SAMD13: variants seen among roughly 807,000 people sequenced by gnomAD.
SAMD13 encodes sterile alpha motif domain containing 13.
Under a neutral mutation model 12.4 loss-of-function variants are expected in SAMD13, and 9 were observed. That is an observed-to-expected ratio of 0.72 (90% CI 0.44 to 1.26). SAMD13 has a LOEUF of 1.26. Ranked by LOEUF, SAMD13 falls within the 50% of genes most tolerant of loss-of-function variation. The pLI is 0.00. For missense variants in SAMD13, 84 were observed against 119.6 expected, an observed-to-expected ratio of 0.70 and a Z score of 1.39; for synonymous variants, 46 against 45.4, an observed-to-expected ratio of 1.01 and a Z score of -0.05.
upstream of SAMD13, among the ~76,000 whole-genome samples, chr1:84,301,263 A>G (rs529175115): frequency 4.6e-5 from 7 of 152,308 alleles, no homozygotes; most frequent in East Asian, 7.7e-4. Context: ...CTCTATTAGG[A>G]AAAAAAGAGT....
chr1:84,335,709 T>C (rs1400040967), intron 3 of SAMD13, among the ~76,000 whole-genome samples: 1 of 152,202 alleles, frequency 6.6e-6, no homozygotes, highest in African/African-American at 2.4e-5. Context: ...TATTTAGCAC[T>C]CCCTTAAGGA....
Position 84,334,539 on chromosome 1 carries a change from T to C in SAMD13, c.165+8791T>C, listed in dbSNP as rs78685820. 6.3e-3 allele frequency among the ~76,000 whole-genome samples: 961 copies of C among 152,240 alleles called. 12 individuals are homozygous for C. The highest frequency in any genetic ancestry group is 0.022 in the African/African-American group (921 of 41,546). On this transcript the variant is annotated intron_variant, in intron 3 of 3. Transcript: ENST00000394834. ...GATTTGTTCATCTTTTATATGGTTTTTCATGTCTCAGTTTCATTCGGTTCA... is the reference window on the plus strand; with the variant it reads ...GATTTGTTCATCTTTTATATGGTTTCTCATGTCTCAGTTTCATTCGGTTCA...
At chr1:84,303,562 C>A in intron 2 of SAMD13, 1 of 262,766 alleles carries the variant, frequency 3.8e-6, no homozygotes, top group South Asian at 5.6e-5. Context: ...GCCCTGCATT[C>A]TGTATATTGA....
intron 2 of SAMD13, among the ~76,000 whole-genome samples, chr1:84,316,049 A>AT (rs1453334643): frequency 6.6e-6 from 1 of 151,948 alleles, no homozygotes; most frequent in Non-Finnish European, 1.5e-5. Context: ...TCCTTCGACC[A>AT]TTTTTTCAAT....
At chr1:84,317,757 T>G (rs1193974594) in intron 2 of SAMD13, among the ~76,000 whole-genome samples, 1 of 152,078 alleles carries the variant, frequency 6.6e-6, no homozygotes, top group African/African-American at 2.4e-5. Flanking sequence ...TTGGAAAAGT[T>G]TGAGGATTGG....
At chr1:84,345,764 T>G (rs1274856773) in intron 3 of SAMD13, among the ~76,000 whole-genome samples, 1 of 152,194 alleles carries the variant, frequency 6.6e-6, no homozygotes, top group Non-Finnish European at 1.5e-5. Flanking sequence ...ATATCACAAA[T>G]AGCTTCAATT....
chr1:84,328,667 G>T (rs906837644), intron 3 of SAMD13, among the ~76,000 whole-genome samples: 5 of 152,046 alleles, frequency 3.3e-5, no homozygotes, highest in Non-Finnish European at 7.4e-5. Flanking sequence ...CACTACAGAG[G>T]GCATCAGCAT....
upstream of SAMD13, among the ~76,000 whole-genome samples, chr1:84,300,222 G>A (rs1322682342): frequency 2.6e-5 from 4 of 152,206 alleles, no homozygotes; most frequent in East Asian, 7.7e-4. Context: ...ACTGGTGAAA[G>A]ATCCACATGC....
At chr1:84,303,865 ATTATT>A (rs1678503590) in intron 2 of SAMD13, 1 of 152,228 alleles carries the variant, frequency 6.6e-6, no homozygotes, top group African/African-American at 2.4e-5. Flanking sequence ...TATATATTTG[ATTATT>A]TTAAATGGGA....
intron 2 of SAMD13, among the ~76,000 whole-genome samples, chr1:84,313,513 C>G (rs1411501041): frequency 1.3e-5 from 2 of 151,986 alleles, no homozygotes; most frequent in East Asian, 3.9e-4. Flanking sequence ...CTCCCTTTTT[C>G]AGATGAAAAA....
chr1:84,339,028 C>G (rs1384891093), intron 3 of SAMD13, among the ~76,000 whole-genome samples: 1 of 152,202 alleles, frequency 6.6e-6, no homozygotes, highest in Admixed American at 6.5e-5. Flanking sequence ...CTTAAAATGA[C>G]CATTTCATCT....
chr1:84,332,055 A>T (rs774749768), intron 3 of SAMD13, among the ~76,000 whole-genome samples: 78 of 152,170 alleles, frequency 5.1e-4, no homozygotes, highest in Admixed American at 1.2e-3. Context: ...GCTGCACAGG[A>T]CATGATCTTA....
chr1:84,312,671 T>A (rs926630994), intron 2 of SAMD13, among the ~76,000 whole-genome samples: 11 of 152,086 alleles, frequency 7.2e-5, no homozygotes. Context: ...TCAACAATAG[T>A]ACCCTATAGG....
In SAMD13 at chr1:84,350,794, GT is replaced by G. The variant is rs1424550781; in HGVS notation, c.*1023del. 6.6e-6 allele frequency: 1 copy of G among 152,552 alleles called. No homozygotes were observed. The highest frequency in any genetic ancestry group is 1.9e-4 in the East Asian group (1 of 5,194). The allele number at this position is 152,552 out of a possible 1,614,324, so 9.4% of individuals were successfully genotyped here. A position where few individuals can be genotyped will look rare whatever the true frequency, so the allele number is the denominator to read the frequency against. ...GTGGTTGCAATAAAGCATTGCTTCAGTTTATTGCCAGTGTATCTTTGATCTT... is the reference window on the plus strand; with the variant it reads ...GTGGTTGCAATAAAGCATTGCTTCAGTTATTGCCAGTGTATCTTTGATCTT... On this transcript the variant is annotated 3_prime_UTR_variant, in exon 4 of 4. Transcript: ENST00000394834.
chr1:84,348,823 C>T (rs916732034), intron 3 of SAMD13, among the ~76,000 whole-genome samples: 9 of 152,140 alleles, frequency 5.9e-5, no homozygotes, highest in African/African-American at 1.7e-4. Context: ...GCTGGCAGGG[C>T]CCTACCCCTC....
intron 3 of SAMD13, among the ~76,000 whole-genome samples, chr1:84,333,116 C>G (rs574056383): frequency 7.9e-5 from 12 of 152,076 alleles, no homozygotes; most frequent in African/African-American, 2.9e-4. Flanking sequence ...GTTACTGTAG[C>G]CTTGTAGTGC....
chr1:84,317,337 G>A lies in SAMD13; in HGVS notation c.54-8300G>A, dbSNP rs1404326141. On this transcript the variant is annotated intron_variant, in intron 2 of 3. Coordinates refer to ENST00000394834, the MANE Select transcript of SAMD13 (RefSeq NM_001134663.2). Reference sequence around the variant, plus strand: ...CACCTTTGAGTATGATGTTAGCTATGGTCTTTTCATAGATAGCCTTTATTA... The same window carrying A: ...CACCTTTGAGTATGATGTTAGCTATAGTCTTTTCATAGATAGCCTTTATTA... Among the ~76,000 whole-genome samples the A allele has an allele frequency of 2.0e-5, 3 of 151,812 alleles. No individual in the cohort carries two copies. The East Asian group carries it at 5.8e-4, about 29-fold the overall frequency.
intron 3 of SAMD13, among the ~76,000 whole-genome samples, chr1:84,346,236 T>C (rs768941244): frequency 1.3e-5 from 2 of 152,240 alleles, no homozygotes; most frequent in East Asian, 3.8e-4. Flanking sequence ...GCTAGTGAGC[T>C]ATAATATCTA....
At chr1:84,321,474 T>C (rs560796539) in intron 2 of SAMD13, among the ~76,000 whole-genome samples, 2 of 152,288 alleles carry the variant, frequency 1.3e-5, no homozygotes, top group South Asian at 4.1e-4. Flanking sequence ...ATAATAAATA[T>C]CAAATGAAAG....
Sources: allele counts gnomAD v4.1 joint callset (sites outside exome capture counted in the v4.1 genomes callset), GRCh38; gene constraint gnomAD v4.1.1; transcripts MANE v1.5; gene names NCBI Gene and HGNC (gene_info 2026-07-23, HGNC 2026-07-21).